The following CENPW variants were observed in gnomAD, a reference collection of about 807,000 sequenced individuals.
CENPW encodes the protein centromere protein W.
In CENPW, 3 loss-of-function variants were observed where a neutral mutation model predicts 11.1. That is an observed-to-expected ratio of 0.27 (90% CI 0.12 to 0.70). The LOEUF (loss-of-function observed/expected upper bound fraction) is 0.70, where lower values mean the gene tolerates loss of function less well. Ranked by LOEUF, CENPW falls within the 30% of genes least tolerant of loss-of-function variation. The pLI is 0.77. For missense variants in CENPW, 100 were observed against 105.6 expected (o/e 0.95, Z 0.23); for synonymous variants, 38 against 42.0 (o/e 0.91, Z 0.37).
the CENPW span, among the ~76,000 whole-genome samples, chr6:126,396,536 C>T: frequency 1.3e-5 from 2 of 152,118 alleles, no homozygotes; most frequent in Non-Finnish European, 2.9e-5. Flanking sequence ...TTGCTTGGTC[C>T]TCTATCACAC....
chr6:126,365,447 A>G, the CENPW span, among the ~76,000 whole-genome samples: 2 of 152,132 alleles, frequency 1.3e-5, no homozygotes, highest in African/African-American at 2.4e-5. Flanking sequence ...CACATCTTAT[A>G]TGACCAGTGG....
chr6:126,376,215 A>C, the CENPW span, among the ~76,000 whole-genome samples: 1 of 152,180 alleles, frequency 6.6e-6, no homozygotes, highest in South Asian at 2.1e-4. Context: ...TTGGTGCAGT[A>C]AAGATATTTT....
At chr6:126,375,883 G>A in the CENPW span, among the ~76,000 whole-genome samples, 2 of 152,070 alleles carry the variant, frequency 1.3e-5, no homozygotes, top group Non-Finnish European at 2.9e-5. Flanking sequence ...CATATGAAGA[G>A]GCTAGTTTTT....
At chr6:126,469,449 C>T in the CENPW span, among the ~76,000 whole-genome samples, 2 of 152,158 alleles carry the variant, frequency 1.3e-5, no homozygotes, top group Non-Finnish European at 2.9e-5. Flanking sequence ...TATCCAGTCT[C>T]AAGTAGCATC....
At chr6:126,413,735 TAAAAC>T in the CENPW span, among the ~76,000 whole-genome samples, 1 of 151,574 alleles carries the variant, frequency 6.6e-6, no homozygotes, top group East Asian at 1.9e-4. Context: ...ATCACGATGA[TAAAAC>T]AATAAGAGAG....
chr6:126,455,897 C>T, the CENPW span, among the ~76,000 whole-genome samples: 3 of 150,984 alleles, frequency 2.0e-5, no homozygotes, highest in Non-Finnish European at 3.0e-5. Context: ...AATTAATATA[C>T]AAAAATTAGT....
chr6:126,457,432 C>T, the CENPW span, among the ~76,000 whole-genome samples: 1 of 151,304 alleles, frequency 6.6e-6, no homozygotes, highest in African/African-American at 2.4e-5. Flanking sequence ...GAACTGGAGG[C>T]CATTATCCTA....
At chr6:126,369,150 G>GTA in the CENPW span, among the ~76,000 whole-genome samples, 64 of 151,544 alleles carry the variant, frequency 4.2e-4, no homozygotes, top group East Asian at 1.2e-3. Context: ...CATGGTGTGT[G>GTA]TATATATATA....
the CENPW span, among the ~76,000 whole-genome samples, chr6:126,443,861 C>T: frequency 5.3e-5 from 8 of 151,130 alleles, no homozygotes; most frequent in Admixed American, 5.3e-4. Flanking sequence ...TATGGAAGAG[C>T]TCTATGGGGC....
chr6:126,473,838 T>C, the CENPW span, among the ~76,000 whole-genome samples: 1 of 148,906 alleles, frequency 6.7e-6, no homozygotes, highest in Non-Finnish European at 1.5e-5. Flanking sequence ...ATGCACAGCA[T>C]AGATATATAG....
At chr6:126,412,452 A>G in the CENPW span, among the ~76,000 whole-genome samples, 3 of 152,090 alleles carry the variant, frequency 2.0e-5, no homozygotes, top group Non-Finnish European at 4.4e-5. Context: ...GTATGTGATC[A>G]GTGATTTTTG....
the CENPW span, among the ~76,000 whole-genome samples, chr6:126,415,157 G>T: frequency 2.0e-5 from 3 of 151,838 alleles, no homozygotes; most frequent in South Asian, 6.2e-4. Context: ...AACTCAAGGG[G>T]GTGTAAGGTG....
At chr6:126,341,501 T>C (rs1780310521) in intron 1 of CENPW, among the ~76,000 whole-genome samples, 1 of 152,146 alleles carries the variant, frequency 6.6e-6, no homozygotes, top group South Asian at 2.1e-4. Context: ...CCTTATTTGG[T>C]CTCTGAAGCC....
At chr6:126,356,384 A>G in the CENPW span, among the ~76,000 whole-genome samples, 1 of 152,188 alleles carries the variant, frequency 6.6e-6, no homozygotes, top group Admixed American at 6.5e-5. Flanking sequence ...AAAGATGAAG[A>G]CGGTAATGAT....
the CENPW span, among the ~76,000 whole-genome samples, chr6:126,446,985 T>A: frequency 1.3e-5 from 2 of 151,238 alleles, no homozygotes; most frequent in Non-Finnish European, 3.0e-5. Context: ...TCTAAGAAGC[T>A]ATTTTGAATT....
At chr6:126,394,118 T>C in the CENPW span, among the ~76,000 whole-genome samples, 23 of 152,130 alleles carry the variant, frequency 1.5e-4, no homozygotes, top group South Asian at 4.4e-3. Flanking sequence ...GTTTGGTCCA[T>C]TTACATTGAA....
chr6:126,361,850 G>A, the CENPW span, among the ~76,000 whole-genome samples: 1 of 152,188 alleles, frequency 6.6e-6, no homozygotes. Flanking sequence ...TCTTACTGCT[G>A]TGAAAGTGGG....
At chr6:126,414,280 A>G in the CENPW span, among the ~76,000 whole-genome samples, 1 of 152,122 alleles carries the variant, frequency 6.6e-6, no homozygotes, top group Non-Finnish European at 1.5e-5. Context: ...CCACAATGAA[A>G]CATTGGATTT....
chr6:126,423,782 T>A, the CENPW span, among the ~76,000 whole-genome samples: 7 of 152,046 alleles, frequency 4.6e-5, no homozygotes, highest in African/African-American at 1.7e-4. Flanking sequence ...TATTTTAAGT[T>A]GTTACTTTTT....
Sources: allele counts gnomAD v4.1 joint callset (sites outside exome capture counted in the v4.1 genomes callset), GRCh38; gene constraint gnomAD v4.1.1; transcripts MANE v1.5; gene names NCBI Gene and HGNC (gene_info 2026-07-23, HGNC 2026-07-21).